The following PTPRG variants were observed in gnomAD, a reference collection of about 807,000 sequenced individuals.
PTPRG encodes receptor-type tyrosine-protein phosphatase gamma.
A neutral mutation model predicts 165.3 loss-of-function variants in PTPRG; 102 were observed. That is an observed-to-expected ratio of 0.62 (90% confidence interval 0.53 to 0.73). PTPRG has a LOEUF of 0.73. Ranked by LOEUF, PTPRG falls within the 30% of genes least tolerant of loss-of-function variation. PTPRG has a pLI of 0.00. For missense variants in PTPRG, 1,866 were observed against 1,861.4 expected (o/e 1.00, Z -0.05); for synonymous variants, 675 against 669.5 (o/e 1.01, Z -0.13).
intron 2 of PTPRG, among the ~76,000 whole-genome samples, chr3:61,821,360 G>A (rs112647318): frequency 0.011 from 1,602 of 152,108 alleles, 31 homozygotes; most frequent in African/African-American, 0.033. Context: ...TAGTAGAGAC[G>A]GGGTTTTACC....
chr3:61,936,871 C>G (rs1034787170), intron 2 of PTPRG, among the ~76,000 whole-genome samples: 1 of 152,180 alleles, frequency 6.6e-6, no homozygotes. Context: ...AAAACATCCC[C>G]TTATAAAAGC....
At chr3:62,114,822 G>C (rs1002194508) in intron 5 of PTPRG, among the ~76,000 whole-genome samples, 2 of 148,526 alleles carry the variant, frequency 1.3e-5, no homozygotes, top group Admixed American at 1.3e-4. Flanking sequence ...TTAGTTTTTT[G>C]TAGAGACAGG....
intron 2 of PTPRG, among the ~76,000 whole-genome samples, chr3:61,814,007 T>C (rs535111155): frequency 3.9e-5 from 6 of 152,052 alleles, no homozygotes; most frequent in Admixed American, 3.9e-4. Flanking sequence ...TTCAAGCGAT[T>C]TTCCTGCCTC....
At chr3:62,246,134 C>G (rs1038314249) in intron 15 of PTPRG, among the ~76,000 whole-genome samples, 1 of 152,154 alleles carries the variant, frequency 6.6e-6, no homozygotes, top group African/African-American at 2.4e-5. Context: ...AAGAAGACTG[C>G]TTCACATTCT....
intron 4 of PTPRG, among the ~76,000 whole-genome samples, chr3:62,053,490 C>G (rs1407876422): frequency 6.6e-6 from 1 of 152,142 alleles, no homozygotes; most frequent in Admixed American, 6.5e-5. Context: ...TGGTCTTCAT[C>G]TCCTGACCTC....
intron 1 of PTPRG, among the ~76,000 whole-genome samples, chr3:61,676,471 A>AAAAAAAAAAAAGAAAG (rs369505317): frequency 5.0e-5 from 5 of 99,098 alleles, no homozygotes; most frequent in East Asian, 7.4e-4. Context: ...AAAAAAAAAA[A>AAAAAAAAAAAAGAAAG]AAAGAAAATT....
intron 1 of PTPRG, among the ~76,000 whole-genome samples, chr3:61,694,703 T>C (rs2030458243): frequency 6.6e-6 from 1 of 152,200 alleles, no homozygotes; most frequent in Non-Finnish European, 1.5e-5. Flanking sequence ...ATTTGTGCAG[T>C]GGGGCACGAT....
At chr3:62,287,131 C>CTGACTTTTCTATA (rs1265699359) in intron 28 of PTPRG, among the ~76,000 whole-genome samples, 3 of 152,106 alleles carry the variant, frequency 2.0e-5, no homozygotes, top group African/African-American at 7.2e-5. Context: ...TACATGTTAC[C>CTGACTTTTCTATA]TGACTTTTCT....
intron 2 of PTPRG, among the ~76,000 whole-genome samples, chr3:61,913,677 T>G (rs17065604): frequency 0.016 from 2,478 of 152,348 alleles, 50 homozygotes; most frequent in African/African-American, 0.056. Flanking sequence ...CTTGCTTTTG[T>G]GGTCTTCACA....
At chr3:61,787,181 C>T (rs2034731493) in intron 2 of PTPRG, among the ~76,000 whole-genome samples, 1 of 152,092 alleles carries the variant, frequency 6.6e-6, no homozygotes, top group East Asian at 1.9e-4. Flanking sequence ...TTCTTCTCTC[C>T]GTCCTAACCC....
At chr3:61,642,082 G>A (rs989154730) in intron 1 of PTPRG, among the ~76,000 whole-genome samples, 3 of 152,112 alleles carry the variant, frequency 2.0e-5, no homozygotes, top group African/African-American at 7.2e-5. Flanking sequence ...CCACTCGCCT[G>A]GATTGTTAGT....
intron 2 of PTPRG, among the ~76,000 whole-genome samples, chr3:61,967,599 AG>A: frequency 6.6e-6 from 1 of 152,328 alleles, no homozygotes; most frequent in Admixed American, 6.5e-5. Context: ...AAAGCAGAAA[AG>A]GGCTAATGGC....
chr3:61,682,149 C>CAAAAA (rs35398190), intron 1 of PTPRG, among the ~76,000 whole-genome samples: 7,885 of 96,046 alleles, frequency 0.082, 945 homozygotes, highest in Admixed American at 0.12. Context: ...ACTCCTGTCT[C>CAAAAA]AAAAAAAAAA....
intron 2 of PTPRG, among the ~76,000 whole-genome samples, chr3:61,887,472 C>A (rs1265057528): frequency 6.6e-6 from 1 of 151,984 alleles, no homozygotes; most frequent in Non-Finnish European, 1.5e-5. Context: ...GAAGTGTATT[C>A]AGATTTCTTT....
chr3:61,737,072 G>A (rs1028818382), intron 1 of PTPRG, among the ~76,000 whole-genome samples: 4 of 151,962 alleles, frequency 2.6e-5, no homozygotes, highest in African/African-American at 9.7e-5. Context: ...CCTTTTTCCT[G>A]CCTCAACATC....
chr3:61,607,648 C>A (rs375581199), intron 1 of PTPRG, among the ~76,000 whole-genome samples: 1 of 152,178 alleles, frequency 6.6e-6, no homozygotes, highest in Non-Finnish European at 1.5e-5. Context: ...CTCTTCTCTC[C>A]TGCTTCTCTT....
At chr3:61,833,096 TAC>T (rs1258012018) in intron 2 of PTPRG, among the ~76,000 whole-genome samples, 6 of 151,732 alleles carry the variant, frequency 4.0e-5, no homozygotes, top group African/African-American at 1.2e-4. Flanking sequence ...TGTGTGTGTG[TAC>T]ACAGTTTCTT....
chr3:61,588,677 C>A (rs1161314764), intron 1 of PTPRG, among the ~76,000 whole-genome samples: 1 of 152,148 alleles, frequency 6.6e-6, no homozygotes, highest in African/African-American at 2.4e-5. Context: ...GACTCCTGAG[C>A]GCAGATAGTC....
intron 2 of PTPRG, among the ~76,000 whole-genome samples, chr3:61,761,667 A>T (rs998001376): frequency 6.6e-6 from 1 of 152,166 alleles, no homozygotes; most frequent in African/African-American, 2.4e-5. Context: ...TCTGCAACCC[A>T]TTTCTTGAAT....
Sources: allele counts gnomAD v4.1 joint callset (sites outside exome capture counted in the v4.1 genomes callset), GRCh38; gene constraint gnomAD v4.1.1; transcripts MANE v1.5; gene names NCBI Gene and HGNC (gene_info 2026-07-23, HGNC 2026-07-21).